RIMS2: variants seen among roughly 807,000 people sequenced by gnomAD.
RIMS2 encodes the protein regulating synaptic membrane exocytosis 2, also known as regulating synaptic membrane exocytosis protein 2.
Under a neutral mutation model 174.4 loss-of-function variants are expected in RIMS2, and 59 were observed. The observed-to-expected ratio is 0.34, with a 90% CI of 0.27 to 0.42. The LOEUF (loss-of-function observed/expected upper bound fraction) is 0.42, where lower values mean the gene tolerates loss of function less well. RIMS2 is among the 10% of genes least tolerant of loss of function. The pLI, the probability that RIMS2 is intolerant of heterozygous loss-of-function variation, is 1.00. For synonymous variants in RIMS2, 606 were observed against 572.5 expected (o/e 1.06, Z -0.84); for missense variants, 1,620 against 1,666.3 (o/e 0.97, Z 0.48).
chr8:103,946,908 A>T (rs2083940363), intron 14 of RIMS2, among the ~76,000 whole-genome samples: 1 of 152,210 alleles, frequency 6.6e-6, no homozygotes, highest in Non-Finnish European at 1.5e-5. Context: ...CCTATAGATA[A>T]ATTGAACCTA....
At chr8:104,189,283 C>T (rs966179075) in intron 19 of RIMS2, among the ~76,000 whole-genome samples, 3 of 151,896 alleles carry the variant, frequency 2.0e-5, no homozygotes, top group African/African-American at 4.8e-5. Context: ...AAACCATTTA[C>T]AGCTTTTGGC....
chr8:103,991,021 T>A (rs957592371), intron 17 of RIMS2, among the ~76,000 whole-genome samples: 1 of 151,896 alleles, frequency 6.6e-6, no homozygotes, highest in Non-Finnish European at 1.5e-5. Flanking sequence ...AGATGATTAA[T>A]CCTTGGTATT....
At chr8:104,007,964 C>T (rs1382040553) in intron 17 of RIMS2, among the ~76,000 whole-genome samples, 2 of 152,006 alleles carry the variant, frequency 1.3e-5, no homozygotes, top group East Asian at 3.9e-4. Flanking sequence ...TCTCTATCCA[C>T]GTAAAAACAG....
chr8:104,074,365 G>A (rs2097252828), intron 19 of RIMS2, among the ~76,000 whole-genome samples: 1 of 152,076 alleles, frequency 6.6e-6, no homozygotes, highest in African/African-American at 2.4e-5. Context: ...TTATAGGGTA[G>A]TGATGAGGAT....
At chr8:103,539,903 C>G (rs1841729679) in intron 1 of RIMS2, among the ~76,000 whole-genome samples, 1 of 152,230 alleles carries the variant, frequency 6.6e-6, no homozygotes. Context: ...GCATACTGGG[C>G]CTTGGAGCCA....
chr8:103,601,250 C>A (rs1004727129), intron 1 of RIMS2, among the ~76,000 whole-genome samples: 2 of 152,064 alleles, frequency 1.3e-5, no homozygotes, highest in East Asian at 1.9e-4. Flanking sequence ...TTTGGTTGCC[C>A]ATGCTTATGG....
At chr8:104,199,206 C>T (rs1408822129) in intron 19 of RIMS2, among the ~76,000 whole-genome samples, 8 of 151,976 alleles carry the variant, frequency 5.3e-5, no homozygotes, top group Non-Finnish European at 7.4e-5. Flanking sequence ...GGACTACAGG[C>T]GCCCGCCACC....
intron 1 of RIMS2, among the ~76,000 whole-genome samples, chr8:103,542,171 C>T (rs916599231): frequency 6.6e-6 from 1 of 152,094 alleles, no homozygotes; most frequent in Non-Finnish European, 1.5e-5. Context: ...CCAACTCAGA[C>T]CACAGAAACA....
At chr8:103,718,136 A>G (rs1174816783) in intron 2 of RIMS2, among the ~76,000 whole-genome samples, 1 of 152,138 alleles carries the variant, frequency 6.6e-6, no homozygotes, top group Non-Finnish European at 1.5e-5. Context: ...GCTAGTCCCA[A>G]TCGTATCTAA....
chr8:103,619,444 A>G (rs1589157430), intron 1 of RIMS2, among the ~76,000 whole-genome samples: 1 of 152,118 alleles, frequency 6.6e-6, no homozygotes, highest in African/African-American at 2.4e-5. Flanking sequence ...AGATATATAA[A>G]TAAATATTTG....
chr8:103,575,765 C>T lies in RIMS2; in HGVS notation c.176+74703C>T, dbSNP rs1037411623. 3.3e-5 allele frequency among the ~76,000 whole-genome samples: 5 copies of T among 150,610 alleles called. No homozygotes were observed. In the Admixed American group the frequency reaches 3.3e-4, roughly 10 times the overall value. ...ATTCAAATATGAGGAAGAGACAGTT[C>T]CTGAGACTACAGAGAATTGAAAAAA... On this transcript the variant is annotated intron_variant, in intron 1 of 23. Coordinates refer to ENST00000504942, the Ensembl canonical transcript of RIMS2.
In RIMS2 at chr8:104,197,645, A is replaced by ACTC. The variant is rs113168473; in HGVS notation, c.3335-47270_3335-47268dup. 5.3e-3 allele frequency among the ~76,000 whole-genome samples: 803 copies of ACTC among 152,142 alleles called. 4 individuals are homozygous for ACTC. Among genetic ancestry groups the ACTC allele is most frequent in the African/African-American group, 0.018 (740 of 41,500 alleles). Reference sequence around the variant, plus strand: ...GATCACATGATCTTGAAAACTTAAAACTCATTGAGGTCTGAGGAGATGGGA... The same window carrying ACTC: ...GATCACATGATCTTGAAAACTTAAAACTCCTCATTGAGGTCTGAGGAGATGGGA... On this transcript the variant is annotated intron_variant, in intron 19 of 23. Transcript: ENST00000504942.
intron 1 of RIMS2, among the ~76,000 whole-genome samples, chr8:103,660,563 C>T (rs1236707071): frequency 6.6e-6 from 1 of 151,726 alleles, no homozygotes. Context: ...TACTAGGGCC[C>T]GGAATAAACA....
chr8:103,686,488 T>C (rs1008062817), intron 1 of RIMS2, among the ~76,000 whole-genome samples: 1 of 152,144 alleles, frequency 6.6e-6, no homozygotes, highest in African/African-American at 2.4e-5. Context: ...GCCTTTACTG[T>C]GCTAAGGAAG....
intron 1 of RIMS2, among the ~76,000 whole-genome samples, chr8:103,599,445 T>TA (rs2094610157): frequency 6.7e-6 from 1 of 148,182 alleles, no homozygotes; most frequent in Non-Finnish European, 1.5e-5. Flanking sequence ...TATATATATA[T>TA]TTTTTTTCTT....
intron 19 of RIMS2, among the ~76,000 whole-genome samples, chr8:104,116,284 A>C (rs1300558418): frequency 6.6e-6 from 1 of 152,182 alleles, no homozygotes; most frequent in Non-Finnish European, 1.5e-5. Context: ...TGTTCTATAA[A>C]TTGTGTAGAA....
chr8:103,965,357 T>C (rs557589901), intron 15 of RIMS2, among the ~76,000 whole-genome samples: 17 of 152,254 alleles, frequency 1.1e-4, no homozygotes, highest in African/African-American at 4.1e-4. Context: ...GTAGATCTTA[T>C]ACATATTTTG....
At chr8:104,220,248 C>T (rs770007761) in intron 19 of RIMS2, among the ~76,000 whole-genome samples, 4 of 151,476 alleles carry the variant, frequency 2.6e-5, no homozygotes, top group Non-Finnish European at 4.4e-5. Context: ...GCCATTCTTC[C>T]GTCACTCATC....
intron 1 of RIMS2, among the ~76,000 whole-genome samples, chr8:103,638,086 T>C (rs2096131075): frequency 6.6e-6 from 1 of 151,978 alleles, no homozygotes. Flanking sequence ...ATCGTATAGT[T>C]AGAGTTGTGT....
Sources: gnomAD v4.1 joint callset for allele counts (sites outside exome capture counted in the v4.1 genomes callset) on GRCh38, gnomAD v4.1.1 for gene constraint, MANE v1.5 for transcripts, NCBI Gene and HGNC (gene_info 2026-07-23, HGNC 2026-07-21) for gene names.